The following STAT4 variants were observed in gnomAD, a reference collection of about 807,000 sequenced individuals.
STAT4 encodes signal transducer and activator of transcription 4.
STAT4 carries 42 observed loss-of-function variants against 110.5 expected under a neutral mutation model. That is an observed-to-expected ratio of 0.38 (90% confidence interval 0.30 to 0.49). STAT4 has a LOEUF of 0.49. Among genes scored for constraint, STAT4 ranks in the 20% least tolerant of loss-of-function variants. The pLI is 0.95. For synonymous variants in STAT4, 284 were observed against 302.2 expected, an observed-to-expected ratio of 0.94 and a Z score of 0.63; for missense variants, 632 against 887.9, an observed-to-expected ratio of 0.71 and a Z score of 3.66.
At chr2:191,034,686 T>C (rs1310811608) in intron 17 of STAT4, 89 bp from the exon 18 acceptor site, 3 of 952,156 alleles carry the variant, frequency 3.2e-6, no homozygotes, top group Non-Finnish European at 5.2e-6. Flanking sequence ...CTCTTCCCTT[T>C]CAAGCATTTC....
chr2:191,139,476 C>A (rs866091900), intron 3 of STAT4, among the ~76,000 whole-genome samples: 4 of 152,112 alleles, frequency 2.6e-5, no homozygotes, highest in Admixed American at 6.6e-5. Flanking sequence ...AGAATCAAAT[C>A]AATAACTCAA....
intron 13 of STAT4, among the ~76,000 whole-genome samples, chr2:191,054,956 T>C (rs1696639584): frequency 2.6e-5 from 4 of 152,096 alleles, no homozygotes; most frequent in South Asian, 4.1e-4. Context: ...CCATATAGCA[T>C]AGTAAGCTAT....
At chr2:191,114,381 T>C (rs973828775) in intron 3 of STAT4, among the ~76,000 whole-genome samples, 1 of 152,162 alleles carries the variant, frequency 6.6e-6, no homozygotes, top group East Asian at 1.9e-4. Flanking sequence ...ATGCATATGG[T>C]ATATAATAAA....
chr2:191,055,933 A>G (rs796381577), intron 13 of STAT4, among the ~76,000 whole-genome samples: 2 of 152,276 alleles, frequency 1.3e-5, no homozygotes, highest in African/African-American at 4.8e-5. Flanking sequence ...AAGTTCCTGG[A>G]TGGTAGGAAT....
In STAT4 at chr2:191,055,722, A is replaced by C. The variant is rs17768109; in HGVS notation, c.1207-1188T>G. 6.9e-3 allele frequency among the ~76,000 whole-genome samples: 1,050 copies of C among 152,342 alleles called. 7 individuals are homozygous for C. Among genetic ancestry groups the C allele is most frequent in the Non-Finnish European group, 0.012 (804 of 68,036 alleles). ...ATTATGCAGAAGATAACCAATGTGA[A>C]AACGCTTTGCAAGAGCAAAAGACCA... On this transcript the variant is annotated intron_variant, in intron 13 of 23. Coordinates refer to ENST00000392320, the MANE Select transcript of STAT4 (RefSeq NM_003151.4).
Position 191,033,478 on chromosome 2 carries a change from G to A in STAT4, c.1852+12C>T, listed in dbSNP as rs1449085440. On this transcript the variant is annotated intron_variant, in intron 20 of 23. Coordinates refer to ENST00000392320, the MANE Select transcript of STAT4 (RefSeq NM_003151.4). This position sits in a 1 kb window ranked among gnomAD's most constrained non-coding sequence, Gnocchi z 6.9. The stretch of plus-strand genomic sequence containing the variant: ...ACTAATTTCACATGAATAAACATTA[G>A]TGAGTATATACCACTTTCAGAATGG... 3.1e-6 allele frequency: 5 copies of A among 1,594,012 alleles called. No homozygotes were observed. Among genetic ancestry groups the A allele is most frequent in the Non-Finnish European group, 4.3e-6 (5 of 1,174,736 alleles).
At position 191,075,837 on chromosome 2, in the gene STAT4, CTT is replaced by C. The variant is rs71407854; in HGVS notation, c.372+388_372+389del. ...TTAAAAATGTCTCCTTTCTTTCTTT[CTT>C]TTTTTTTTTTTTTTTTTGTTTTGTT... On this transcript the variant is annotated intron_variant, in intron 4 of 23. Transcript: ENST00000392320. Among the ~76,000 whole-genome samples, 1,089 of 121,444 alleles carry C rather than the reference CTT, an allele frequency of 9.0e-3. 9 individuals carry two copies. Among genetic ancestry groups the C allele is most frequent in the Middle Eastern group, 0.036 (8 of 220 alleles). 79.7% of individuals were successfully genotyped at this position (121,444 alleles called of 152,430 possible).
At chr2:191,132,963 C>T (rs1371807689) in intron 3 of STAT4, among the ~76,000 whole-genome samples, 1 of 151,236 alleles carries the variant, frequency 6.6e-6, no homozygotes, top group Non-Finnish European at 1.5e-5. Flanking sequence ...ACCGTGTTAG[C>T]CAGGATGGTC....
chr2:191,081,726 G>T (rs1204375249), intron 3 of STAT4, among the ~76,000 whole-genome samples: 1 of 152,056 alleles, frequency 6.6e-6, no homozygotes, highest in Non-Finnish European at 1.5e-5. Flanking sequence ...ATTAAATATG[G>T]TGGTGACTTC....
chr2:191,148,097 T>G lies in STAT4; in HGVS notation c.107A>C (p.Gln36Pro). 6.2e-7 allele frequency: 1 copy of G among 1,613,836 alleles called. No homozygotes were observed. Among genetic ancestry groups the G allele is most frequent in the South Asian group, 1.1e-5 (1 of 91,060 alleles). ...CTACCAGTCTTGATTTTCAATCCAT[T>G]GGGCCAACAGATGCCGAATTTCCAT... ...FPMEIRHLLA[Q>P]WIENQDWEAA... The change falls in exon 2 of 24, where the codon CAA (glutamine) becomes CCA (proline). Residue 36 changes from glutamine to proline, a missense_variant. Gln to Pro is a moderately conservative substitution (Grantham distance 76, BLOSUM62 -1). Around this residue, in one of 4 missense-constraint regions of STAT4, gnomAD observed 488 missense variants for 632.8 expected, o/e 0.77. Coordinates refer to ENST00000392320, the MANE Select transcript of STAT4 (RefSeq NM_003151.4).
At chr2:191,126,497 GCTGA>G (rs1698883650) in intron 3 of STAT4, among the ~76,000 whole-genome samples, 1 of 152,222 alleles carries the variant, frequency 6.6e-6, no homozygotes, top group African/African-American at 2.4e-5. Flanking sequence ...AAAATCAACA[GCTGA>G]CTGTGAACAC....
chr2:191,123,469 C>A (rs1015721572), intron 3 of STAT4, among the ~76,000 whole-genome samples: 2 of 152,226 alleles, frequency 1.3e-5, no homozygotes, highest in Admixed American at 1.3e-4. Flanking sequence ...TCCCATCCAG[C>A]CTGACCTTCT....
intron 3 of STAT4, among the ~76,000 whole-genome samples, chr2:191,128,353 G>T (rs1210259157): frequency 2.6e-5 from 4 of 152,140 alleles, no homozygotes; most frequent in African/African-American, 4.8e-5. Flanking sequence ...TTTGTGTGTG[G>T]TGTATAGAGG....
Position 191,031,345 on chromosome 2 carries a change from C to T in STAT4, c.2111+105G>A, listed in dbSNP as rs1695887106. The T allele has an allele frequency of 2.5e-6, 3 of 1,178,736 alleles. No homozygotes were observed. The highest frequency in any genetic ancestry group is 1.5e-5 in the African/African-American group (1 of 64,742). The allele number at this position is 1,178,736 out of a possible 1,614,324, so 73.0% of individuals were successfully genotyped here. A position where few individuals can be genotyped will look rare whatever the true frequency, so the allele number is the denominator to read the frequency against. ...GTATTAAAGGAAATGGGACATTGCA[C>T]ATTACAATGCTTTGTTCTCAGTTAT... On this transcript the variant is annotated intron_variant, in intron 22 of 23. Coordinates refer to ENST00000392320, the MANE Select transcript of STAT4 (RefSeq NM_003151.4). The surrounding 1 kb of genome is among the most constrained non-coding windows in gnomAD (Gnocchi z 4.8).
rs560612566 is a variant in STAT4, at chr2:191,141,456, T to C, written c.273+5157A>G. Among the ~76,000 whole-genome samples the C allele has an allele frequency of 4.1e-3, 526 of 128,476 alleles. 6 individuals are homozygous for C. Among genetic ancestry groups the C allele is most frequent in the African/African-American group, 0.015 (496 of 33,396 alleles). 84.3% of individuals were successfully genotyped at this position (128,476 alleles called of 152,430 possible). A position where few individuals can be genotyped will look rare whatever the true frequency, so the allele number is the denominator to read the frequency against. ...TACATATACATATGTATATCACATA[T>C]ATACATATGTATATCACATACATAC... is the stretch of plus-strand genomic sequence containing the variant. On this transcript the variant is annotated intron_variant, in intron 3 of 23. Coordinates refer to ENST00000392320, the MANE Select transcript of STAT4 (RefSeq NM_003151.4).
chr2:191,133,944 T>A (rs1699111033), intron 3 of STAT4, among the ~76,000 whole-genome samples: 1 of 152,220 alleles, frequency 6.6e-6, no homozygotes, highest in South Asian at 2.1e-4. Context: ...TATTAAGCCA[T>A]GCAAAGACAC....
intron 7 of STAT4, 34 bp from the exon 8 acceptor site, chr2:191,064,992 A>G (rs557472521): frequency 6.7e-7 from 1 of 1,495,282 alleles, no homozygotes; most frequent in East Asian, 2.6e-5. Flanking sequence ...AGAGAGTTTC[A>G]TAAGAAATAA....
At position 191,050,442 on chromosome 2, in the gene STAT4, CA is replaced by C. The variant is rs1696488908; in HGVS notation, c.1251+4047del. ...TATGATAGCGTGTCTACAGATTCCTCAAGGAATGTTGTGAAATTCCAAAGCA... is the reference window on the plus strand; with the variant it reads ...TATGATAGCGTGTCTACAGATTCCTCAGGAATGTTGTGAAATTCCAAAGCA... On this transcript the variant is annotated intron_variant, in intron 14 of 23. Transcript: ENST00000392320. This position sits in a 1 kb window ranked among gnomAD's most constrained non-coding sequence, Gnocchi z 4.3. 6.6e-6 allele frequency among the ~76,000 whole-genome samples: 1 copy of C among 152,186 alleles called. No homozygotes were observed. The highest frequency in any genetic ancestry group is 2.4e-5 in the African/African-American group (1 of 41,440).
Position 191,147,984 on chromosome 2 carries a change from C to T in STAT4, c.128+92G>A. ...TCTTTACCTGAAAAGAATGCATCTA[C>T]TGAGTAAAAAGTGGACCATAAAATA... On this transcript the variant is annotated intron_variant, in intron 2 of 23. Coordinates refer to ENST00000392320, the MANE Select transcript of STAT4 (RefSeq NM_003151.4). The surrounding 1 kb of genome is among the most constrained non-coding windows in gnomAD (Gnocchi z 4.1). 1 of 1,550,084 alleles carries T rather than the reference C, an allele frequency of 6.5e-7. No homozygotes were observed. Among genetic ancestry groups the T allele is most frequent in the Non-Finnish European group, 8.7e-7 (1 of 1,143,592 alleles).
Sources: allele counts gnomAD v4.1 joint callset (sites outside exome capture counted in the v4.1 genomes callset), GRCh38; gene constraint gnomAD v4.1.1; regional missense constraint gnomAD v4.1.1; non-coding constraint Gnocchi (gnomAD v3.1); transcripts MANE v1.5; gene names NCBI Gene and HGNC (gene_info 2026-07-23, HGNC 2026-07-21).